COL6A3: variants seen among roughly 807,000 people sequenced by gnomAD.
The protein encoded by COL6A3 is collagen type VI alpha 3 chain.
A neutral mutation model predicts 274.1 loss-of-function variants in COL6A3; 137 were observed. The ratio of observed to expected loss-of-function variants is 0.50; its 90% confidence interval spans 0.44 to 0.58. The LOEUF (loss-of-function observed/expected upper bound fraction) is 0.58. Ranked by LOEUF, COL6A3 falls within the 20% of genes least tolerant of loss-of-function variation. The probability of loss-of-function intolerance (pLI) is 0.00; values close to 1 mark genes in which losing one functional copy is unlikely to be tolerated. For synonymous variants in COL6A3, 1,650 were observed against 1,650.6 expected (o/e 1.00, Z 0.01); for missense variants, 3,950 against 4,124.9 (o/e 0.96, Z 1.16).
In COL6A3 at chr2:237,347,567, C is replaced by T. The variant is rs531216545; in HGVS notation, c.7029+240G>A. 3.3e-5 allele frequency among the ~76,000 whole-genome samples: 5 copies of T among 152,264 alleles called. No individual in the cohort carries two copies. In the South Asian group the frequency reaches 6.2e-4, roughly 19 times the overall value. ...GGTGCTGTGCCTGGAGTGAGCTGGGCTGGCGACCCTGGAGGTGAGTTGGAG... is the reference window on the plus strand; with the variant it reads ...GGTGCTGTGCCTGGAGTGAGCTGGGTTGGCGACCCTGGAGGTGAGTTGGAG... On this transcript the variant is annotated intron_variant, in intron 31 of 43. Transcript: ENST00000295550.
At chr2:237,412,814 G>A (rs536393188) in intron 1 of COL6A3, among the ~76,000 whole-genome samples, 4 of 152,132 alleles carry the variant, frequency 2.6e-5, no homozygotes, top group African/African-American at 9.7e-5. Context: ...CCTCGCCGGG[G>A]TGAGCTGTAT....
chr2:237,342,344 GT>G (rs1009122752), intron 36 of COL6A3, 183 bp from the exon 37 acceptor site: 2 of 627,460 alleles, frequency 3.2e-6, no homozygotes, highest in Non-Finnish European at 5.7e-6. Flanking sequence ...AAAGACATAG[GT>G]TTTATTCTAC....
rs761445190 is a variant in COL6A3 at position 237,361,853 on chromosome 2, A to G, written c.6064-22T>C. 1.9e-6 allele frequency: 3 copies of G among 1,603,116 alleles called. No individual in the cohort carries two copies. The Admixed American group carries it at 5.0e-5, about 27-fold the overall frequency. On this transcript the variant is annotated intron_variant, in intron 14 of 43. Coordinates refer to ENST00000295550, the MANE Select transcript of COL6A3 (RefSeq NM_004369.4). This position sits in a 1 kb window ranked among gnomAD's most constrained non-coding sequence, Gnocchi z 5.1. ...TGTCCTACCGAAAGGAAGAGAAACC[A>G]AATGTTCAGATCTCAAGAAATGCCC... is the stretch of plus-strand genomic sequence containing the variant.
At chr2:237,402,334 T>C (rs1400227865) in intron 1 of COL6A3, among the ~76,000 whole-genome samples, 1 of 152,186 alleles carries the variant, frequency 6.6e-6, no homozygotes, top group African/African-American at 2.4e-5. Flanking sequence ...TTAACACTGC[T>C]GTACTGTACA....
intron 37 of COL6A3, among the ~76,000 whole-genome samples, chr2:237,341,670 C>CT: frequency 6.6e-6 from 1 of 151,630 alleles, no homozygotes; most frequent in Non-Finnish European, 1.5e-5. Flanking sequence ...AAATCACTAA[C>CT]CTAAAATCTT....
chr2:237,362,793 T>A (rs192531469), intron 14 of COL6A3, among the ~76,000 whole-genome samples: 91 of 152,278 alleles, frequency 6.0e-4, no homozygotes, highest in Admixed American at 9.8e-4. Flanking sequence ...CAGAGGGAGC[T>A]TCATTGACAC....
intron 3 of COL6A3, among the ~76,000 whole-genome samples, chr2:237,393,684 C>G (rs764313727): frequency 3.3e-5 from 5 of 152,208 alleles, no homozygotes; most frequent in Admixed American, 6.5e-5. Context: ...GATGAGTAAG[C>G]TCTGGGCACT....
At chr2:237,356,575 A>C (rs1353775376) in intron 23 of COL6A3, among the ~76,000 whole-genome samples, 4 of 152,176 alleles carry the variant, frequency 2.6e-5, no homozygotes, top group African/African-American at 9.7e-5. Flanking sequence ...CTGAGGGCCC[A>C]GTTCCCAGCA....
chr2:237,334,312 G>A (rs1033524502), intron 41 of COL6A3, among the ~76,000 whole-genome samples: 5 of 152,182 alleles, frequency 3.3e-5, no homozygotes, highest in Non-Finnish European at 5.9e-5. Flanking sequence ...ACCGGGAGAC[G>A]TGGCCATCTT....
intron 38 of COL6A3, among the ~76,000 whole-genome samples, chr2:237,339,558 C>T (rs1483733318): frequency 6.6e-6 from 1 of 152,224 alleles, no homozygotes; most frequent in Non-Finnish European, 1.5e-5. Context: ...GGGGGATTAC[C>T]TTTGCTTCAC....
intron 42 of COL6A3, chr2:237,332,995 T>C (rs1700341718): frequency 3.8e-6 from 1 of 265,062 alleles, no homozygotes; most frequent in Non-Finnish European, 7.4e-6. Context: ...GTGCTTAGGA[T>C]GTCCGGACCA....
At chr2:237,401,237 T>C (rs1173308831) in intron 1 of COL6A3, among the ~76,000 whole-genome samples, 2 of 152,158 alleles carry the variant, frequency 1.3e-5, no homozygotes, top group Non-Finnish European at 2.9e-5. Flanking sequence ...ATCCCACTTT[T>C]GGGTATATCC....
chr2:237,336,129 T>C lies in COL6A3; in HGVS notation c.8965+6A>G. On this transcript the variant is annotated splice_donor_region_variant and intron_variant, in intron 40 of 43. Coordinates refer to ENST00000295550, the MANE Select transcript of COL6A3 (RefSeq NM_004369.4). The stretch of plus-strand genomic sequence containing the variant: ...AAGATGGCAGCCCTAGCAAGGGCTT[T>C]CTTACCCATGGGCTTAGTGGTGGCT... The C allele has an allele frequency of 6.2e-7, 1 of 1,613,392 alleles. No individual in the cohort carries two copies. Among genetic ancestry groups the C allele is most frequent in the Non-Finnish European group, 8.5e-7 (1 of 1,179,968 alleles).
Position 237,344,698 on chromosome 2 carries a change from T to C in COL6A3, c.7320A>G (p.Pro2440=). ...NDLTIAESNC[P]RGARVAVVTY... Reference sequence around the variant, plus strand: ...TGACCACAGCCACCCGGGCCCCCCGTGGGCAGTTGCTCTCAGCAATGGTCA... The same window carrying C: ...TGACCACAGCCACCCGGGCCCCCCGCGGGCAGTTGCTCTCAGCAATGGTCA... The change falls in exon 36 of 44, where the codon CCA becomes CCG. Residue 2440 remains proline, a synonymous_variant. Transcript: ENST00000295550. The surrounding 1 kb of genome is among the most constrained non-coding windows in gnomAD (Gnocchi z 4.8). The C allele has an allele frequency of 6.2e-7, 1 of 1,609,354 alleles. No homozygotes were observed. Among genetic ancestry groups the C allele is most frequent in the African/African-American group, 1.3e-5 (1 of 74,786 alleles).
chr2:237,336,111 C>A (rs1281956943), intron 40 of COL6A3, 24 bp downstream of exon 40: 2 of 1,612,578 alleles, frequency 1.2e-6, no homozygotes, highest in Non-Finnish European at 1.7e-6. Flanking sequence ...CACAAGATGG[C>A]AGCCCTAGCA....
chr2:237,361,918 A>G lies in COL6A3; in HGVS notation c.6064-87T>C. The stretch of plus-strand genomic sequence containing the variant: ...AATGCGCTTTAAGGGTCAAAATCGG[A>G]TGTGTGGGGGTTTCACGGTGTGAGA... On this transcript the variant is annotated intron_variant, in intron 14 of 43. Transcript: ENST00000295550. The surrounding 1 kb of genome is among the most constrained non-coding windows in gnomAD (Gnocchi z 5.1). 1 of 1,159,290 alleles carries G rather than the reference A, an allele frequency of 8.6e-7. No homozygotes were observed. The highest frequency in any genetic ancestry group is 1.7e-5 in the Admixed American group (1 of 57,484). 71.8% of individuals were successfully genotyped at this position (1,159,290 alleles called of 1,614,324 possible). A position where few individuals can be genotyped will look rare whatever the true frequency, so the allele number is the denominator to read the frequency against.
chr2:237,359,325 A>G (rs1296048243), intron 18 of COL6A3, 37 bp downstream of exon 18: 1 of 1,613,906 alleles, frequency 6.2e-7, no homozygotes, highest in East Asian at 2.2e-5. Flanking sequence ...ATACTGGGAG[A>G]GTTTTCCATT....
chr2:237,360,252 G>T, intron 16 of COL6A3, 93 bp from the exon 17 acceptor site: 1 of 1,231,310 alleles, frequency 8.1e-7, no homozygotes, highest in Non-Finnish European at 1.2e-6. Context: ...ACTGTGAACA[G>T]CATGCAGCAG....
intron 25 of COL6A3, 55 bp from the exon 26 acceptor site, chr2:237,352,639 C>T: frequency 6.6e-7 from 1 of 1,521,932 alleles, no homozygotes; most frequent in South Asian, 1.2e-5. Flanking sequence ...CCATGAGAAG[C>T]CTCTGCATGG....
Sources: gnomAD v4.1 joint callset for allele counts (sites outside exome capture counted in the v4.1 genomes callset) on GRCh38, gnomAD v4.1.1 for gene constraint, Gnocchi (gnomAD v3.1) non-coding constraint, MANE v1.5 for transcripts, NCBI Gene and HGNC (gene_info 2026-07-23, HGNC 2026-07-21) for gene names.